Variants in COLGALT2 observed in about 807,000 individuals in gnomAD.
The protein encoded by COLGALT2 is collagen beta(1-O)galactosyltransferase 2.
In COLGALT2, 49 loss-of-function variants were observed where a neutral mutation model predicts 73.4. That is an observed-to-expected ratio of 0.67 (90% CI 0.53 to 0.85). The LOEUF (loss-of-function observed/expected upper bound fraction) is 0.85. Among genes scored for constraint, COLGALT2 ranks in the 40% least tolerant of loss-of-function variants. The pLI, the probability that COLGALT2 is intolerant of heterozygous loss-of-function variation, is 0.00. For missense variants in COLGALT2, 722 were observed against 790.2 expected, an observed-to-expected ratio of 0.91 and a Z score of 1.03; for synonymous variants, 295 against 307.6, an observed-to-expected ratio of 0.96 and a Z score of 0.43.
intron 6 of COLGALT2, 50 bp downstream of exon 6, chr1:183,963,851 C>A: frequency 1.3e-6 from 2 of 1,491,922 alleles, no homozygotes; most frequent in South Asian, 2.8e-5. Flanking sequence ...CTGGTATGGT[C>A]ACTGTGGCAA....
chr1:184,032,002 T>C (rs1429449020), intron 1 of COLGALT2, among the ~76,000 whole-genome samples: 1 of 141,488 alleles, frequency 7.1e-6, no homozygotes, highest in Admixed American at 7.1e-5. Context: ...GTTCAAGCAA[T>C]CCACCCACAG....
chr1:183,972,679 C>T (rs370883617), intron 4 of COLGALT2, among the ~76,000 whole-genome samples: 7 of 151,008 alleles, frequency 4.6e-5, no homozygotes, highest in African/African-American at 1.7e-4. Context: ...CATCGAAGGT[C>T]ATTGAAATAT....
chr1:184,028,672 C>A (rs1401602182), intron 1 of COLGALT2, among the ~76,000 whole-genome samples: 2 of 152,184 alleles, frequency 1.3e-5, no homozygotes, highest in Admixed American at 1.3e-4. Context: ...CATGAAAATG[C>A]TTCAGCTCAG....
rs556701937 is a variant in COLGALT2 at position 183,987,307 on chromosome 1, G to C, written c.264-8787C>G. Among the ~76,000 whole-genome samples, 7 of 152,054 alleles carry C rather than the reference G, an allele frequency of 4.6e-5. No individual in the cohort carries two copies. In the East Asian group the frequency reaches 1.4e-3, roughly 29 times the overall value. On this transcript the variant is annotated intron_variant, in intron 1 of 11. Transcript: ENST00000361927. ...ATGGCCCCTTTTCTTGTCCTTATTG[G>C]ATTTTCCAATTCTGTTAAGTTCTTT... is the stretch of plus-strand genomic sequence containing the variant.
chr1:183,958,229 G>T (rs1670605474), intron 6 of COLGALT2, among the ~76,000 whole-genome samples: 1 of 152,056 alleles, frequency 6.6e-6, no homozygotes, highest in Non-Finnish European at 1.5e-5. Flanking sequence ...CTTCAACTCT[G>T]ATTTCTAAAA....
At chr1:183,958,172 A>G (rs1165169237) in intron 6 of COLGALT2, among the ~76,000 whole-genome samples, 1 of 152,154 alleles carries the variant, frequency 6.6e-6, no homozygotes, top group Non-Finnish European at 1.5e-5. Context: ...GCTTTTAATA[A>G]GTGTTAGTCA....
chr1:183,974,031 G>A (rs977123023), intron 3 of COLGALT2, among the ~76,000 whole-genome samples: 1 of 152,198 alleles, frequency 6.6e-6, no homozygotes, highest in Non-Finnish European at 1.5e-5. Flanking sequence ...CTACACTTTG[G>A]CTAGTGTTTT....
At chr1:184,028,133 A>G (rs964620832) in intron 1 of COLGALT2, among the ~76,000 whole-genome samples, 1 of 152,182 alleles carries the variant, frequency 6.6e-6, no homozygotes, top group African/African-American at 2.4e-5. Context: ...GCTGGCTGGC[A>G]ACCAAGAAAC....
chr1:183,986,226 A>G (rs1671486044), intron 1 of COLGALT2, among the ~76,000 whole-genome samples: 1 of 152,194 alleles, frequency 6.6e-6, no homozygotes, highest in Non-Finnish European at 1.5e-5. Context: ...AAAGACGTGA[A>G]TATGGATTGG....
Position 183,941,470 on chromosome 1 carries a change from C to T in COLGALT2, c.1398-683G>A, listed in dbSNP as rs7339898. ...AACAACTTCTACAACACAGGATGCACCTTTGGCCACTCCCATCTTCCCTAG... is the reference window on the plus strand; with the variant it reads ...AACAACTTCTACAACACAGGATGCATCTTTGGCCACTCCCATCTTCCCTAG... On this transcript the variant is annotated intron_variant, in intron 10 of 11. Coordinates refer to ENST00000361927, the MANE Select transcript of COLGALT2 (RefSeq NM_015101.4). Among the ~76,000 whole-genome samples, 994 of 152,318 alleles carry T rather than the reference C, an allele frequency of 6.5e-3. 14 individuals carry two copies. The highest frequency in any genetic ancestry group is 0.017 in the African/African-American group (708 of 41,562).
chr1:183,969,518 C>A, intron 4 of COLGALT2, 45 bp from the exon 5 acceptor site: 3 of 1,508,880 alleles, frequency 2.0e-6, no homozygotes, highest in South Asian at 2.5e-5. Flanking sequence ...GATTTGAAGT[C>A]TTCATCCTTC....
intron 1 of COLGALT2, among the ~76,000 whole-genome samples, chr1:184,016,239 T>C (rs1648996251): frequency 6.6e-6 from 1 of 152,232 alleles, no homozygotes; most frequent in Admixed American, 6.5e-5. Flanking sequence ...AAAAATTATA[T>C]AGCAAATCTG....
intron 1 of COLGALT2, among the ~76,000 whole-genome samples, chr1:184,008,501 G>A (rs1020919435): frequency 1.3e-5 from 2 of 152,240 alleles, no homozygotes; most frequent in Non-Finnish European, 2.9e-5. Context: ...AGGTTGAGGC[G>A]GGAGGATCAT....
Position 184,037,419 on chromosome 1 carries a change from GGGC to G in COLGALT2, c.-65_-63del. Reference sequence around the variant, plus strand: ...GCGAGCGCCCGGCTGGGCTGCCTGAGGGCGGCGGCGGCTGCCGGGGAGCAAGGG... The same window carrying G: ...GCGAGCGCCCGGCTGGGCTGCCTGAGGGCGGCGGCTGCCGGGGAGCAAGGG... On this transcript the variant is annotated 5_prime_UTR_variant, in exon 1 of 12. Coordinates refer to ENST00000361927, the MANE Select transcript of COLGALT2 (RefSeq NM_015101.4). 3.1e-6 allele frequency: 4 copies of G among 1,272,816 alleles called. No individual in the cohort carries two copies. Among genetic ancestry groups the G allele is most frequent in the Non-Finnish European group, 3.9e-6 (4 of 1,013,248 alleles). The allele number at this position is 1,272,816 out of a possible 1,614,324, so 78.8% of individuals were successfully genotyped here.
At chr1:183,982,889 C>G (rs1395907423) in intron 1 of COLGALT2, among the ~76,000 whole-genome samples, 1 of 152,216 alleles carries the variant, frequency 6.6e-6, no homozygotes, top group Admixed American at 6.5e-5. Context: ...CTTAAATTCT[C>G]TTTGCCTTCT....
At chr1:183,997,984 G>A (rs12061041) in intron 1 of COLGALT2, among the ~76,000 whole-genome samples, 13,384 of 152,108 alleles carry the variant, frequency 0.088, 968 homozygotes, top group East Asian at 0.4. Flanking sequence ...TTTGTTGCAC[G>A]TATCCCCTGC....
In COLGALT2 at chr1:184,037,527, G is replaced by A. The variant is rs965125689; in HGVS notation, c.-170C>T. ...TGGCCTCGGCGGCTGCGGTTCCCAGGACCCTCCCGCCGCCGCTGCACCGCC... is the reference window on the plus strand; with the variant it reads ...TGGCCTCGGCGGCTGCGGTTCCCAGAACCCTCCCGCCGCCGCTGCACCGCC... On this transcript the variant is annotated 5_prime_UTR_variant, in exon 1 of 12. Coordinates refer to ENST00000361927, the MANE Select transcript of COLGALT2 (RefSeq NM_015101.4). The A allele has an allele frequency of 9.8e-5, 112 of 1,143,734 alleles. No individual in the cohort carries two copies. The highest frequency in any genetic ancestry group is 1.2e-4 in the Non-Finnish European group (108 of 932,902). 70.8% of individuals were successfully genotyped at this position (1,143,734 alleles called of 1,614,324 possible). A position where few individuals can be genotyped will look rare whatever the true frequency, so the allele number is the denominator to read the frequency against.
intron 3 of COLGALT2, 121 bp downstream of exon 3, chr1:183,974,976 G>T (rs970073823): frequency 1.5e-5 from 10 of 664,566 alleles, no homozygotes; most frequent in African/African-American, 3.6e-5. Context: ...CTTAAAAAGT[G>T]GGGGAGGCAC....
At chr1:183,945,606 G>A in intron 8 of COLGALT2, 42 bp from the exon 9 acceptor site, 2 of 1,609,542 alleles carry the variant, frequency 1.2e-6, no homozygotes, top group South Asian at 1.1e-5. Context: ...CAAGTCAAAG[G>A]TCCCCACCAC....
Sources: gnomAD v4.1 joint callset for allele counts (sites outside exome capture counted in the v4.1 genomes callset) on GRCh38, gnomAD v4.1.1 for gene constraint, MANE v1.5 for transcripts, NCBI Gene and HGNC (gene_info 2026-07-23, HGNC 2026-07-21) for gene names.